SEMA3D: variants seen among roughly 807,000 people sequenced by gnomAD.
The protein encoded by SEMA3D is semaphorin-3D.
SEMA3D carries 84 observed loss-of-function variants against 100.1 expected under a neutral mutation model. The observed-to-expected ratio is 0.84, with a 90% confidence interval of 0.70 to 1.01. SEMA3D has a LOEUF of 1.01. SEMA3D is among the 50% of genes least tolerant of loss of function. The pLI is 0.00. For missense variants in SEMA3D, 875 were observed against 934.1 expected, an observed-to-expected ratio of 0.94 and a Z score of 0.82; for synonymous variants, 312 against 320.7, an observed-to-expected ratio of 0.97 and a Z score of 0.29.
rs950999941 is a variant in SEMA3D at position 85,057,504 on chromosome 7, A to G, written c.719-1645T>C. On this transcript the variant is annotated intron_variant, in intron 8 of 18. Coordinates refer to ENST00000284136, the MANE Select transcript of SEMA3D (RefSeq NM_001384900.1). ...TTGGCGGGAGGTGAAAAAGATCAAT[A>G]TTGCCTTTTCTAGAGTTTTGCCTAG... is the stretch of plus-strand genomic sequence containing the variant. Among the ~76,000 whole-genome samples the G allele has an allele frequency of 2.0e-4, 31 of 152,292 alleles. 1 individual carries two copies. Among genetic ancestry groups the G allele is most frequent in the African/African-American group, 9.6e-5 (4 of 41,554 alleles).
chr7:85,074,548 A>G (rs911410937), intron 5 of SEMA3D, among the ~76,000 whole-genome samples: 1 of 151,926 alleles, frequency 6.6e-6, no homozygotes, highest in Admixed American at 6.6e-5. Context: ...CTAATATCCT[A>G]GTGGTTGCTT....
chr7:85,156,459 A>G (rs922456022), intron 1 of SEMA3D, among the ~76,000 whole-genome samples: 10 of 152,306 alleles, frequency 6.6e-5, no homozygotes, highest in African/African-American at 2.4e-4. Flanking sequence ...CTAGAATTCT[A>G]GAGCTTGATT....
At chr7:85,078,832 G>C (rs138719139) in intron 5 of SEMA3D, among the ~76,000 whole-genome samples, 20 of 152,300 alleles carry the variant, frequency 1.3e-4, no homozygotes, top group Admixed American at 1.3e-3. Context: ...CTCTTGGGAA[G>C]TAGGTAAAAA....
At chr7:85,027,844 C>A (rs925673782) in intron 12 of SEMA3D, 21 of 533,452 alleles carry the variant, frequency 3.9e-5, no homozygotes, top group Middle Eastern at 8.6e-4. Context: ...AAGTGACCTG[C>A]AATTGGTATT....
rs1302416997 is a variant in SEMA3D, at chr7:85,068,212, G to A, written c.568C>T (p.Pro190Ser). The A allele has an allele frequency of 6.2e-7, 1 of 1,603,058 alleles. No homozygotes were observed. The highest frequency in any genetic ancestry group is 1.7e-4 in the Middle Eastern group (1 of 6,038). Residue 190 changes from proline (P) to serine (S), a missense_variant, in exon 7 of 19, where the codon CCT (proline) becomes TCT (serine). By Grantham distance (74) the Pro-to-Ser change is moderately conservative. Coordinates refer to ENST00000284136, the MANE Select transcript of SEMA3D (RefSeq NM_001384900.1). ...TTACCTGTCATTACTGAAGCAAAAG[G>A]CTGCTGAGGATCGAAAGGACATTTC... The part of the protein sequence containing the change: ...RLKCPFDPQQ[P>S]FASVMTDEYL...
the SEMA3D span, among the ~76,000 whole-genome samples, chr7:85,234,051 C>T: frequency 6.6e-6 from 1 of 152,124 alleles, no homozygotes; most frequent in Non-Finnish European, 1.5e-5. Context: ...GTATTCTTGA[C>T]TTTTAAGGTT....
intron 17 of SEMA3D, 81 bp downstream of exon 17, chr7:85,012,701 T>C: frequency 1.9e-6 from 2 of 1,065,410 alleles, no homozygotes; most frequent in Non-Finnish European, 2.9e-6. Context: ...TAATAGATGG[T>C]TTAAGTCATA....
chr7:85,015,851 A>G lies in SEMA3D; in HGVS notation c.1546-635T>C, dbSNP rs560204559. Among the ~76,000 whole-genome samples the G allele has an allele frequency of 3.5e-4, 53 of 151,840 alleles. No individual in the cohort carries two copies. In the South Asian group the frequency reaches 0.01, roughly 29 times the overall value. On this transcript the variant is annotated intron_variant, in intron 15 of 18. Coordinates refer to ENST00000284136, the MANE Select transcript of SEMA3D (RefSeq NM_001384900.1). ...TCAATATAAGTCCTGAAAGTAATGC[A>G]TTACTTCCCTTATACATTCTTTTGA...
At chr7:85,189,472 G>GA (rs1319344277), upstream of SEMA3D, among the ~76,000 whole-genome samples, 2 of 151,950 alleles carry the variant, frequency 1.3e-5, no homozygotes, top group African/African-American at 2.4e-5. Context: ...AACCCAGTGG[G>GA]AAAAAAAGTA....
intron 3 of SEMA3D, among the ~76,000 whole-genome samples, chr7:85,106,462 A>C (rs2116347638): frequency 6.6e-6 from 1 of 152,252 alleles, no homozygotes; most frequent in Non-Finnish European, 1.5e-5. Context: ...TAAATTAAGG[A>C]ATAAAGCAAA....
At chr7:85,018,162 C>T in intron 15 of SEMA3D, 90 bp downstream of exon 15, 1 of 810,218 alleles carries the variant, frequency 1.2e-6, no homozygotes, top group Non-Finnish European at 2.1e-6. Context: ...AATTTAACTC[C>T]CAATTTCAAT....
intron 15 of SEMA3D, among the ~76,000 whole-genome samples, chr7:85,017,049 A>G (rs898876799): frequency 6.6e-6 from 1 of 151,712 alleles, no homozygotes; most frequent in African/African-American, 2.4e-5. Context: ...CCCTTTGAAC[A>G]CACATATGAT....
chr7:85,195,726 C>T, the SEMA3D span, among the ~76,000 whole-genome samples: 1 of 152,086 alleles, frequency 6.6e-6, no homozygotes, highest in East Asian at 1.9e-4. Flanking sequence ...ACCTATTGTC[C>T]TTCTTAACTC....
chr7:85,081,143 CTG>C (rs1219628707), intron 5 of SEMA3D, among the ~76,000 whole-genome samples: 1 of 152,150 alleles, frequency 6.6e-6, no homozygotes, highest in East Asian at 1.9e-4. Flanking sequence ...GCTAAAATAA[CTG>C]AAGGTTTTGT....
rs3078417 is a variant in SEMA3D at position 85,156,101 on chromosome 7, ATTT to A, written c.-172-2365_-172-2363del. ...CTTGCATTATGCTGCAATATAAGTG[ATTT>A]TTTTTTTTTTTTTTTTGAGATGGAG... On this transcript the variant is annotated intron_variant, in intron 1 of 18. Coordinates refer to ENST00000284136, the MANE Select transcript of SEMA3D (RefSeq NM_001384900.1). 5.3e-3 allele frequency among the ~76,000 whole-genome samples: 757 copies of A among 142,304 alleles called. 1 individual carries two copies. Among genetic ancestry groups the A allele is most frequent in the African/African-American group, 0.017 (655 of 39,214 alleles). The allele number at this position is 142,304 out of a possible 152,430, so 93.4% of individuals were successfully genotyped here.
At position 85,186,973 on chromosome 7, in the gene SEMA3D, G is replaced by A. The variant is rs1021614177; in HGVS notation, c.-468C>T. The A allele has an allele frequency of 1.3e-5, 2 of 153,334 alleles. No individual in the cohort carries two copies. Among genetic ancestry groups the A allele is most frequent in the Non-Finnish European group, 2.9e-5 (2 of 69,020 alleles). 9.5% of individuals were successfully genotyped at this position (153,334 alleles called of 1,614,324 possible). A position where few individuals can be genotyped will look rare whatever the true frequency, so the allele number is the denominator to read the frequency against. On this transcript the variant is annotated 5_prime_UTR_variant, in exon 1 of 19. Transcript: ENST00000284136. ...GCTTTGGGGAGGAGAGGGTGGCGAG[G>A]AAAGGCACGCTCCAAACAGGAGGGC...
At chr7:85,164,125 G>A (rs1355475793) in intron 1 of SEMA3D, among the ~76,000 whole-genome samples, 1 of 152,030 alleles carries the variant, frequency 6.6e-6, no homozygotes, top group East Asian at 1.9e-4. Flanking sequence ...AGGTCTTACA[G>A]TCAGTCAGTA....
At chr7:85,241,964 T>A in the SEMA3D span, among the ~76,000 whole-genome samples, 6 of 152,006 alleles carry the variant, frequency 3.9e-5, no homozygotes, top group Non-Finnish European at 7.4e-5. Context: ...ACAGTGTTGG[T>A]GGGAATGTAA....
intron 15 of SEMA3D, among the ~76,000 whole-genome samples, chr7:85,015,723 TTTG>T (rs1434579929): frequency 1.3e-5 from 2 of 151,862 alleles, no homozygotes; most frequent in Non-Finnish European, 2.9e-5. Flanking sequence ...AGAGAAAGTA[TTTG>T]TTATCACTCT....
Sources: allele counts gnomAD v4.1 joint callset (sites outside exome capture counted in the v4.1 genomes callset), GRCh38; gene constraint gnomAD v4.1.1; transcripts MANE v1.5; gene names NCBI Gene and HGNC (gene_info 2026-07-23, HGNC 2026-07-21).